KATNIP: variants seen among roughly 807,000 people sequenced by gnomAD.
KATNIP encodes katanin-interacting protein.
In KATNIP, 126 loss-of-function variants were observed where a neutral mutation model predicts 174.0. The observed-to-expected ratio is 0.72, with a 90% CI of 0.63 to 0.84. KATNIP has a LOEUF of 0.84. Among genes scored for constraint, KATNIP ranks in the 40% least tolerant of loss-of-function variants. KATNIP has a pLI of 0.00. For synonymous variants in KATNIP, 810 were observed against 835.7 expected (o/e 0.97, Z 0.53); for missense variants, 1,958 against 2,109.7 (o/e 0.93, Z 1.41).
intron 19 of KATNIP, among the ~76,000 whole-genome samples, chr16:27,764,472 G>C (rs2082061645): frequency 6.6e-6 from 1 of 152,114 alleles, no homozygotes; most frequent in South Asian, 2.1e-4. Flanking sequence ...GATGCTTCAG[G>C]CTCATCTGGT....
chr16:27,698,203 T>A, intron 8 of KATNIP, 125 bp from the exon 9 acceptor site: 1 of 1,007,472 alleles, frequency 9.9e-7, no homozygotes, highest in Non-Finnish European at 1.4e-6. Context: ...TTTTACCGCC[T>A]TGACATTTTT....
At chr16:27,653,137 A>G (rs1029175789) in intron 6 of KATNIP, among the ~76,000 whole-genome samples, 2 of 152,240 alleles carry the variant, frequency 1.3e-5, no homozygotes, top group Non-Finnish European at 2.9e-5. Context: ...CATTATATCC[A>G]AGAAGAGATC....
At chr16:27,746,088 C>T (rs1018999898) in intron 15 of KATNIP, among the ~76,000 whole-genome samples, 1 of 151,828 alleles carries the variant, frequency 6.6e-6, no homozygotes, top group Non-Finnish European at 1.5e-5. Context: ...CCTCAGCCTC[C>T]AAAAGTGCTG....
At chr16:27,625,772 C>T (rs1186093197) in intron 3 of KATNIP, among the ~76,000 whole-genome samples, 1 of 152,170 alleles carries the variant, frequency 6.6e-6, no homozygotes, top group East Asian at 1.9e-4. Flanking sequence ...ACACTGGGTC[C>T]ACAAACACAC....
chr16:27,623,744 A>T (rs141908606), intron 3 of KATNIP, among the ~76,000 whole-genome samples: 93 of 152,262 alleles, frequency 6.1e-4, no homozygotes, highest in African/African-American at 1.9e-3. Context: ...GCGACCTGAG[A>T]TGACCGAGAT....
intron 6 of KATNIP, among the ~76,000 whole-genome samples, chr16:27,674,230 T>G (rs1018633992): frequency 2.0e-5 from 3 of 152,244 alleles, no homozygotes; most frequent in Non-Finnish European, 2.9e-5. Context: ...GTTTCCTATT[T>G]GCTGCTGTAA....
chr16:27,775,096 G>A lies in KATNIP; in HGVS notation c.4449+12G>A. On this transcript the variant is annotated intron_variant, in intron 24 of 27. Transcript: ENST00000261588. ...TCCTGCCGGGCCTGGTGGGTTCCCG[G>A]CAGCGGCCACCGCAGCTCCTGGCCC... 1 of 1,609,290 alleles carries A rather than the reference G, an allele frequency of 6.2e-7. No individual in the cohort carries two copies. The highest frequency in any genetic ancestry group is 1.1e-5 in the South Asian group (1 of 90,794).
intron 20 of KATNIP, among the ~76,000 whole-genome samples, chr16:27,766,969 C>T (rs2082146724): frequency 6.6e-6 from 1 of 152,126 alleles, no homozygotes; most frequent in African/African-American, 2.4e-5. Context: ...GACCTGGAGC[C>T]CACATTGTGA....
chr16:27,623,402 C>A (rs1292907851), intron 3 of KATNIP, among the ~76,000 whole-genome samples: 1 of 152,188 alleles, frequency 6.6e-6, no homozygotes, highest in Non-Finnish European at 1.5e-5. Flanking sequence ...CCCTACCCAA[C>A]CCAGTATTCA....
intron 2 of KATNIP, among the ~76,000 whole-genome samples, chr16:27,591,980 C>G (rs577708056): frequency 2.7e-4 from 41 of 152,308 alleles, no homozygotes; most frequent in Non-Finnish European, 4.7e-4. Context: ...TTCCGTCATC[C>G]AGTTTATTCT....
At position 27,677,743 on chromosome 16, in the gene KATNIP, C is replaced by T; in HGVS notation, c.555C>T (p.Ser185=). 6.2e-7 allele frequency: 1 copy of T among 1,608,262 alleles called. No homozygotes were observed. The highest frequency in any genetic ancestry group is 8.5e-7 in the Non-Finnish European group (1 of 1,174,962). The change falls in exon 7 of 28, where the codon AGC becomes AGT. Residue 185 remains serine (S), a synonymous_variant. Coordinates refer to ENST00000261588, the MANE Select transcript of KATNIP (RefSeq NM_015202.5). The stretch of plus-strand genomic sequence containing the variant: ...GCTTTTTGCAGGAGCTGAGAAGAAG[C>T]CTGGAACTTAGTGTAAATCTACAAA... ...SEDRPQELRR[S]LELSVNLQRK...
At chr16:27,729,619 A>G (rs2080582592) in intron 14 of KATNIP, among the ~76,000 whole-genome samples, 1 of 152,124 alleles carries the variant, frequency 6.6e-6, no homozygotes, top group African/African-American at 2.4e-5. Flanking sequence ...CCACATATCA[A>G]AGCTGCAGGC....
intron 14 of KATNIP, among the ~76,000 whole-genome samples, chr16:27,737,862 G>T (rs1323056036): frequency 1.3e-5 from 2 of 152,052 alleles, no homozygotes; most frequent in Non-Finnish European, 2.9e-5. Context: ...ATGACACCAG[G>T]ATAACAGATA....
At chr16:27,729,173 A>G (rs574930246) in intron 14 of KATNIP, among the ~76,000 whole-genome samples, 5 of 152,314 alleles carry the variant, frequency 3.3e-5, no homozygotes, top group Admixed American at 2.6e-4. Context: ...GGCTTTAGGT[A>G]TGGTGGCATC....
intron 6 of KATNIP, among the ~76,000 whole-genome samples, chr16:27,663,152 C>CTTTTTTTTTTTTTTTTTT (rs11440523): frequency 2.6e-4 from 21 of 80,034 alleles, no homozygotes; most frequent in Admixed American, 4.5e-4. Context: ...TTTTCTTCTT[C>CTTTTTTTTTTTTTTTTTT]TTTTTTTTTT....
Position 27,740,107 on chromosome 16 carries a change from T to A in KATNIP, c.1810T>A (p.Leu604Ile). The change falls in exon 15 of 28, where the codon TTA becomes ATA. Residue 604 changes from leucine (L) to isoleucine (I), a missense_variant. Leu to Ile is a conservative substitution (Grantham distance 5). Around this residue, in one of 3 missense-constraint regions of KATNIP, gnomAD observed 1,557 missense variants for 1,617.8 expected, o/e 0.96. Coordinates refer to ENST00000261588, the MANE Select transcript of KATNIP (RefSeq NM_015202.5). ...CAGAAACCTCATCTTCAATGGCAAGTTAGACAAAGGAGATAGGGAGGCCCC... is the reference window on the plus strand; with the variant it reads ...CAGAAACCTCATCTTCAATGGCAAGATAGACAAAGGAGATAGGGAGGCCCC... ...VNRNLIFNGK[L>I]DKGDREAPAD... 6.2e-7 allele frequency: 1 copy of A among 1,614,090 alleles called. No homozygotes were observed. The highest frequency in any genetic ancestry group is 8.5e-7 in the Non-Finnish European group (1 of 1,180,006).
chr16:27,702,624 G>A (rs1413858771), intron 11 of KATNIP, among the ~76,000 whole-genome samples: 1 of 152,196 alleles, frequency 6.6e-6, no homozygotes, highest in African/African-American at 2.4e-5. Context: ...TAAGCTGAGG[G>A]TCTGGCCTGG....
chr16:27,742,672 G>A (rs138491539), intron 15 of KATNIP, among the ~76,000 whole-genome samples: 23 of 152,272 alleles, frequency 1.5e-4, no homozygotes, highest in Non-Finnish European at 1.3e-4. Flanking sequence ...GGGGTGCTGG[G>A]AGAATAAATG....
At position 27,606,344 on chromosome 16, in the gene KATNIP, C is replaced by T. The variant is rs761588794; in HGVS notation, c.64-12081C>T. Among the ~76,000 whole-genome samples, 17 of 152,214 alleles carry T rather than the reference C, an allele frequency of 1.1e-4. No individual in the cohort carries two copies. In the East Asian group the frequency reaches 1.4e-3, roughly 12 times the overall value. On this transcript the variant is annotated intron_variant, in intron 2 of 27. Coordinates refer to ENST00000261588, the MANE Select transcript of KATNIP (RefSeq NM_015202.5). Reference sequence around the variant, plus strand: ...GGCTTAGGGCCATTGGAGCATTCATCAAGGTATATTTAGTCCTCTATGAAA... The same window carrying T: ...GGCTTAGGGCCATTGGAGCATTCATTAAGGTATATTTAGTCCTCTATGAAA...
Sources: allele counts gnomAD v4.1 joint callset (sites outside exome capture counted in the v4.1 genomes callset), GRCh38; gene constraint gnomAD v4.1.1; regional missense constraint gnomAD v4.1.1; transcripts MANE v1.5; gene names NCBI Gene and HGNC (gene_info 2026-07-23, HGNC 2026-07-21).